Variants in IFT88 observed in about 807,000 individuals in gnomAD.
IFT88 encodes intraflagellar transport protein 88 homolog.
IFT88 carries 74 observed loss-of-function variants against 119.5 expected under a neutral mutation model. The ratio of observed to expected loss-of-function variants is 0.62; its 90% CI spans 0.51 to 0.75. The LOEUF is 0.75. IFT88 is among the 30% of genes least tolerant of loss of function. The probability of loss-of-function intolerance (pLI) is 0.00; values close to 1 mark genes in which losing one functional copy is unlikely to be tolerated. For missense variants in IFT88, 961 were observed against 977.7 expected (o/e 0.98, Z 0.23); for synonymous variants, 279 against 316.7 (o/e 0.88, Z 1.26).
At chr13:20,580,697 T>A (rs1421435079) in intron 2 of IFT88, among the ~76,000 whole-genome samples, 1 of 151,472 alleles carries the variant, frequency 6.6e-6, no homozygotes, top group Non-Finnish European at 1.5e-5. Flanking sequence ...AATTAATGGA[T>A]CATGGATCAT....
chr13:20,634,740 A>G (rs2140168397), intron 16 of IFT88, among the ~76,000 whole-genome samples: 1 of 151,912 alleles, frequency 6.6e-6, no homozygotes, highest in East Asian at 1.9e-4. Context: ...ACAAACAAAA[A>G]AAAAAAAAGA....
chr13:20,625,054 CT>C (rs143099791), intron 14 of IFT88, among the ~76,000 whole-genome samples: 10,443 of 152,226 alleles, frequency 0.069, 495 homozygotes, highest in Non-Finnish European at 0.11. Flanking sequence ...CCACCACCCC[CT>C]ATCTCTTCTG....
chr13:20,634,845 A>G (rs1004750502), intron 16 of IFT88, among the ~76,000 whole-genome samples: 1 of 151,620 alleles, frequency 6.6e-6, no homozygotes, highest in Non-Finnish European at 1.5e-5. Context: ...CATGTGTACA[A>G]CGTGCAGGTT....
intron 20 of IFT88, among the ~76,000 whole-genome samples, chr13:20,647,324 G>T (rs948795846): frequency 6.6e-6 from 1 of 151,966 alleles, no homozygotes; most frequent in Non-Finnish European, 1.5e-5. Flanking sequence ...GCTTTGATTT[G>T]TTCTGTAAGT....
chr13:20,654,767 TGACTA>T (rs1258730801), intron 21 of IFT88, among the ~76,000 whole-genome samples: 1 of 152,234 alleles, frequency 6.6e-6, no homozygotes, highest in Non-Finnish European at 1.5e-5. Flanking sequence ...ATGTACAACA[TGACTA>T]TACTATATAC....
intron 2 of IFT88, among the ~76,000 whole-genome samples, chr13:20,582,262 C>T (rs1243186984): frequency 6.6e-6 from 1 of 152,204 alleles, no homozygotes; most frequent in African/African-American, 2.4e-5. Context: ...CCCTTATATC[C>T]TGCCCTTGAT....
chr13:20,629,383 A>G (rs1329413368), intron 15 of IFT88, among the ~76,000 whole-genome samples: 1 of 152,204 alleles, frequency 6.6e-6, no homozygotes, highest in Non-Finnish European at 1.5e-5. Context: ...TGGCAATGTT[A>G]TAAGATCTTT....
intron 13 of IFT88, among the ~76,000 whole-genome samples, chr13:20,614,202 T>G (rs1014269610): frequency 6.6e-6 from 1 of 152,218 alleles, no homozygotes; most frequent in African/African-American, 2.4e-5. Flanking sequence ...GCTGCAAGGT[T>G]GCTTCATTAT....
chr13:20,650,704 G>A (rs1252190529), intron 20 of IFT88, among the ~76,000 whole-genome samples: 1 of 152,128 alleles, frequency 6.6e-6, no homozygotes, highest in African/African-American at 2.4e-5. Flanking sequence ...GATCTTATAT[G>A]TAGAAATCCC....
chr13:20,587,254 CT>C (rs75172361), intron 3 of IFT88, among the ~76,000 whole-genome samples: 46 of 146,130 alleles, frequency 3.1e-4, no homozygotes, highest in South Asian at 4.3e-4. Context: ...TTGCCTACTG[CT>C]TTTTTTTTTT....
intron 22 of IFT88, among the ~76,000 whole-genome samples, chr13:20,660,818 T>A (rs758077164): frequency 3.3e-5 from 5 of 152,280 alleles, no homozygotes; most frequent in Non-Finnish European, 7.4e-5. Context: ...ATATGTTGTG[T>A]TTGAGCTACC....
At chr13:20,584,855 T>G (rs548701490) in intron 3 of IFT88, among the ~76,000 whole-genome samples, 1 of 152,274 alleles carries the variant, frequency 6.6e-6, no homozygotes, top group East Asian at 1.9e-4. Context: ...CCAGGGACAT[T>G]GAGCAATGCT....
chr13:20,649,043 G>A (rs887386649), intron 20 of IFT88, among the ~76,000 whole-genome samples: 14 of 152,048 alleles, frequency 9.2e-5, no homozygotes, highest in African/African-American at 3.1e-4. Context: ...ATAATTAAAG[G>A]GTGAAATAGA....
At chr13:20,645,005 G>A in intron 20 of IFT88, 47 bp downstream of exon 20, 1 of 871,372 alleles carries the variant, frequency 1.1e-6, no homozygotes, top group East Asian at 2.5e-5. Flanking sequence ...CATGTCTTGA[G>A]TTTTTTTAAT....
intron 24 of IFT88, 118 bp from the exon 25 acceptor site, chr13:20,690,587 C>T: frequency 1.6e-6 from 1 of 641,088 alleles, no homozygotes; most frequent in South Asian, 1.9e-5. Flanking sequence ...AAGAAGCTGG[C>T]TTCCAAATTA....
chr13:20,638,269 C>A, intron 16 of IFT88, 63 bp from the exon 17 acceptor site: 2 of 887,764 alleles, frequency 2.3e-6, no homozygotes, highest in Admixed American at 6.2e-5. Context: ...TGTCTGTAAT[C>A]TCAGAACAGT....
At chr13:20,687,890 C>T (rs1157308425) in intron 24 of IFT88, among the ~76,000 whole-genome samples, 1 of 152,128 alleles carries the variant, frequency 6.6e-6, no homozygotes, top group East Asian at 1.9e-4. Flanking sequence ...GCTAATCCCT[C>T]ATGATTGAGA....
At chr13:20,663,862 T>C (rs890301982) in intron 23 of IFT88, among the ~76,000 whole-genome samples, 1 of 152,236 alleles carries the variant, frequency 6.6e-6, no homozygotes, top group African/African-American at 2.4e-5. Flanking sequence ...ATTATAATTT[T>C]CCACAACATG....
intron 15 of IFT88, 128 bp downstream of exon 15, chr13:20,625,977 C>T: frequency 9.2e-4 from 220 of 239,776 alleles, no homozygotes; most frequent in South Asian, 4.3e-3. Context: ...ATTTTTATTT[C>T]TATTTTATGT....
Sources: allele counts gnomAD v4.1 joint callset (sites outside exome capture counted in the v4.1 genomes callset), GRCh38; gene constraint gnomAD v4.1.1; transcripts MANE v1.5; gene names NCBI Gene and HGNC (gene_info 2026-07-23, HGNC 2026-07-21).